The following NEDD9 variants were observed in gnomAD, a reference collection of about 807,000 sequenced individuals.
NEDD9 encodes enhancer of filamentation 1.
A neutral mutation model predicts 76.6 loss-of-function variants in NEDD9; 26 were observed. The observed-to-expected ratio is 0.34, with a 90% CI of 0.25 to 0.47. The LOEUF (loss-of-function observed/expected upper bound fraction) is 0.47, where lower values mean the gene tolerates loss of function less well. Among genes scored for constraint, NEDD9 ranks in the 20% least tolerant of loss-of-function variants. The pLI is 1.00. For missense variants in NEDD9, 937 were observed against 1,058.5 expected (o/e 0.89, Z 1.59); for synonymous variants, 392 against 414.2 (o/e 0.95, Z 0.65).
chr6:11,277,348 A>C (rs1760438956), intron 3 of NEDD9, among the ~76,000 whole-genome samples: 1 of 152,256 alleles, frequency 6.6e-6, no homozygotes, highest in Non-Finnish European at 1.5e-5. Flanking sequence ...GGAAGAATGA[A>C]GCTTTTATTA....
intron 2 of NEDD9, among the ~76,000 whole-genome samples, chr6:11,331,660 G>A (rs190858834): frequency 8.5e-5 from 13 of 152,176 alleles, no homozygotes; most frequent in South Asian, 4.2e-4. Flanking sequence ...TTCCAAAAAC[G>A]ACCCCTTGCC....
intron 2 of NEDD9, among the ~76,000 whole-genome samples, chr6:11,311,723 C>G (rs1350032829): frequency 6.6e-6 from 1 of 152,210 alleles, no homozygotes; most frequent in Non-Finnish European, 1.5e-5. Flanking sequence ...ATATTACAGA[C>G]TGGGTCGGGT....
At chr6:11,332,931 A>G (rs192260050) in intron 2 of NEDD9, among the ~76,000 whole-genome samples, 1 of 152,250 alleles carries the variant, frequency 6.6e-6, no homozygotes, top group East Asian at 1.9e-4. Flanking sequence ...AGTCCCCCTT[A>G]TGTCAGCTCA....
At chr6:11,230,917 C>T (rs753093326) in intron 1 of NEDD9, among the ~76,000 whole-genome samples, 10 of 152,180 alleles carry the variant, frequency 6.6e-5, no homozygotes, top group South Asian at 2.1e-4. Flanking sequence ...GAGACTTTGT[C>T]GCTTTCGTCA....
At position 11,337,872 on chromosome 6, in the gene NEDD9, G is replaced by A. The variant is rs190357341; in HGVS notation, c.-213-3311C>T. The stretch of plus-strand genomic sequence containing the variant: ...TTCTTTCCTCAGAGGATGGTAGTGC[G>A]TTAAAAAATATTAAGGTTTTCAATC... On this transcript the variant is annotated intron_variant, in intron 1 of 3. Transcript: ENST00000397378. 7.3e-3 allele frequency among the ~76,000 whole-genome samples: 1,107 copies of A among 152,246 alleles called. 5 individuals are homozygous for A. Among genetic ancestry groups the A allele is most frequent in the Middle Eastern group, 0.024 (7 of 294 alleles).
At chr6:11,303,457 A>T (rs1276587876) in intron 3 of NEDD9, among the ~76,000 whole-genome samples, 3 of 152,250 alleles carry the variant, frequency 2.0e-5, no homozygotes, top group Admixed American at 2.0e-4. Context: ...TAATTTATAG[A>T]TTCAGTGTCA....
Position 11,184,634 on chromosome 6 carries a change from C to A in NEDD9, c.*528G>T, listed in dbSNP as rs1803710. 0.84 allele frequency: 128,300 copies of A among 153,284 alleles called. 53,831 individuals are homozygous for A. Among genetic ancestry groups the A allele is most frequent in the East Asian group, 1 (5,177 of 5,188 alleles). The allele number at this position is 153,284 out of a possible 1,614,324, so 9.5% of individuals were successfully genotyped here. On this transcript the variant is annotated 3_prime_UTR_variant, in exon 7 of 7. Transcript: ENST00000379446. ...ATGGTCAGTTTTGAAAAGAGTTTTC[C>A]AAACAAGAATAAGTCATGCTATGCC...
chr6:11,207,050 A>G (rs1758638142), intron 2 of NEDD9, among the ~76,000 whole-genome samples: 1 of 152,206 alleles, frequency 6.6e-6, no homozygotes, highest in Admixed American at 6.5e-5. Context: ...TTGATTTATA[A>G]ATGAGGAAAC....
chr6:11,341,343 C>CT (rs778894068), intron 1 of NEDD9, among the ~76,000 whole-genome samples: 1 of 152,120 alleles, frequency 6.6e-6, no homozygotes, highest in Non-Finnish European at 1.5e-5. Context: ...TCTTGCTGGG[C>CT]TGAAGAGGCA....
At chr6:11,356,964 C>T (rs77597984) in intron 1 of NEDD9, among the ~76,000 whole-genome samples, 8,062 of 152,138 alleles carry the variant, frequency 0.053, 744 homozygotes, top group African/African-American at 0.18. Context: ...CTGCTCTCAG[C>T]TTTAGAGACT....
chr6:11,236,991 A>C (rs1430127673), upstream of NEDD9, among the ~76,000 whole-genome samples: 1 of 151,940 alleles, frequency 6.6e-6, no homozygotes, highest in Non-Finnish European at 1.5e-5. This position sits in a 1 kb window ranked among gnomAD's most constrained non-coding sequence, Gnocchi z 5.5. Flanking sequence ...ACGGACTTGC[A>C]CCTTCCTGAC....
intron 1 of NEDD9, among the ~76,000 whole-genome samples, chr6:11,335,619 C>A (rs1053515978): frequency 6.6e-6 from 1 of 152,232 alleles, no homozygotes; most frequent in Admixed American, 6.5e-5. Flanking sequence ...AGCATCTCAA[C>A]AACTTTTTGC....
chr6:11,186,081 C>G (rs1757974706), intron 6 of NEDD9, among the ~76,000 whole-genome samples: 1 of 151,988 alleles, frequency 6.6e-6, no homozygotes, highest in South Asian at 2.1e-4. Flanking sequence ...GTAGTGACCT[C>G]CTTGTCAAGT....
intron 1 of NEDD9, among the ~76,000 whole-genome samples, chr6:11,339,736 A>C (rs1253596703): frequency 6.6e-6 from 1 of 152,146 alleles, no homozygotes; most frequent in Non-Finnish European, 1.5e-5. Flanking sequence ...CACTTTCTCA[A>C]TTCTGCTGCA....
At chr6:11,316,363 G>A (rs1182553795) in intron 2 of NEDD9, among the ~76,000 whole-genome samples, 2 of 152,184 alleles carry the variant, frequency 1.3e-5, no homozygotes, top group African/African-American at 2.4e-5. Context: ...TCAGGATGGA[G>A]AGGATTTCCT....
intron 1 of NEDD9, among the ~76,000 whole-genome samples, chr6:11,353,932 A>G (rs1397432932): frequency 6.6e-6 from 1 of 152,244 alleles, no homozygotes; most frequent in Non-Finnish European, 1.5e-5. Context: ...AGGAAGAGTG[A>G]TGGGGGCCAT....
intron 3 of NEDD9, among the ~76,000 whole-genome samples, chr6:11,267,880 T>A (rs771485153): frequency 2.6e-5 from 4 of 152,172 alleles, no homozygotes; most frequent in Non-Finnish European, 5.9e-5. Context: ...AAGAATAGAT[T>A]GAATTTAAGT....
At chr6:11,295,100 C>T (rs1423128863) in intron 3 of NEDD9, among the ~76,000 whole-genome samples, 1 of 152,164 alleles carries the variant, frequency 6.6e-6, no homozygotes, top group African/African-American at 2.4e-5. Context: ...GTCCATTAAA[C>T]CTCTTTTTCT....
intron 1 of NEDD9, among the ~76,000 whole-genome samples, chr6:11,227,863 T>A (rs968290083): frequency 1.3e-5 from 2 of 151,906 alleles, no homozygotes; most frequent in African/African-American, 4.8e-5. Flanking sequence ...GAGACACAGG[T>A]TTCAGAGTTT....
Sources: allele counts gnomAD v4.1 joint callset (sites outside exome capture counted in the v4.1 genomes callset), GRCh38; gene constraint gnomAD v4.1.1; non-coding constraint Gnocchi (gnomAD v3.1); transcripts MANE v1.5; gene names NCBI Gene and HGNC (gene_info 2026-07-23, HGNC 2026-07-21).